The following EPHA6 variants were observed in gnomAD, a reference collection of about 807,000 sequenced individuals.
EPHA6 encodes EPH receptor A6.
EPHA6 carries 50 observed loss-of-function variants against 112.0 expected under a neutral mutation model. That is an observed-to-expected ratio of 0.45 (90% confidence interval 0.36 to 0.56). EPHA6 has a LOEUF of 0.56. Among genes scored for constraint, EPHA6 ranks in the 20% least tolerant of loss-of-function variants. The probability of loss-of-function intolerance (pLI) is 0.00; values close to 1 mark genes in which losing one functional copy is unlikely to be tolerated. For synonymous variants in EPHA6, 529 were observed against 490.7 expected (o/e 1.08, Z -1.03); for missense variants, 1,280 against 1,417.4 (o/e 0.90, Z 1.56).
At chr3:97,205,646 G>T (rs1047965810) in intron 3 of EPHA6, among the ~76,000 whole-genome samples, 3 of 151,954 alleles carry the variant, frequency 2.0e-5, no homozygotes, top group African/African-American at 7.2e-5. Context: ...GTATACCTAG[G>T]GGTCTTGGAA....
intron 3 of EPHA6, among the ~76,000 whole-genome samples, chr3:97,025,640 G>A (rs1317929593): frequency 2.0e-5 from 3 of 152,146 alleles, no homozygotes; most frequent in African/African-American, 7.2e-5. Flanking sequence ...CCAGGCTAGT[G>A]TGCAGTGGCG....
rs146529348 is a variant in EPHA6 at position 96,960,465 on chromosome 3, C to A, written c.451-26865C>A. On this transcript the variant is annotated intron_variant, in intron 2 of 17. Transcript: ENST00000389672. ...CTTATAGTTAAGTGTTGCCATCTGGCCTCTGCTATTCTTAAACCTCATCAT... is the reference window on the plus strand; with the variant it reads ...CTTATAGTTAAGTGTTGCCATCTGGACTCTGCTATTCTTAAACCTCATCAT... Among the ~76,000 whole-genome samples the A allele has an allele frequency of 4.3e-4, 66 of 152,248 alleles. 1 individual carries two copies. In the East Asian group the frequency reaches 7.4e-3, roughly 17 times the overall value.
chr3:97,289,647 T>C (rs2080608190), intron 5 of EPHA6, among the ~76,000 whole-genome samples: 1 of 152,170 alleles, frequency 6.6e-6, no homozygotes, highest in South Asian at 2.1e-4. Flanking sequence ...GTATGTTGCT[T>C]TGGGAAGTAT....
chr3:97,294,835 T>C (rs2080817963), intron 5 of EPHA6, among the ~76,000 whole-genome samples: 1 of 152,238 alleles, frequency 6.6e-6, no homozygotes, highest in Admixed American at 6.5e-5. Flanking sequence ...AAAAACTTTA[T>C]TTCTCCTTCA....
At chr3:97,109,444 G>C (rs1316797633) in intron 3 of EPHA6, among the ~76,000 whole-genome samples, 1 of 152,134 alleles carries the variant, frequency 6.6e-6, no homozygotes. Flanking sequence ...TTTTCTACTT[G>C]CATGGGAAGG....
rs570232298 is a variant in EPHA6, at chr3:97,548,196, C to T, written c.2386+15653C>T. 1.1e-3 allele frequency among the ~76,000 whole-genome samples: 167 copies of T among 152,270 alleles called. 2 individuals carry two copies. The highest frequency in any genetic ancestry group is 2.2e-3 in the Non-Finnish European group (148 of 68,028). On this transcript the variant is annotated intron_variant, in intron 11 of 17. Transcript: ENST00000389672. Reference sequence around the variant, plus strand: ...GTAGACCGGAGCTGTTCGTATTCGGCCATCTTGGCTCCTCCTGGGTGTGTC... The same window carrying T: ...GTAGACCGGAGCTGTTCGTATTCGGTCATCTTGGCTCCTCCTGGGTGTGTC...
chr3:97,339,514 G>T (rs1212197435), intron 5 of EPHA6, among the ~76,000 whole-genome samples: 1 of 151,990 alleles, frequency 6.6e-6, no homozygotes, highest in Non-Finnish European at 1.5e-5. Flanking sequence ...TTTTAACAAC[G>T]TGGGCTTTGG....
chr3:97,596,016 C>G (rs1434173128), intron 12 of EPHA6, among the ~76,000 whole-genome samples: 1 of 151,066 alleles, frequency 6.6e-6, no homozygotes, highest in Non-Finnish European at 1.5e-5. Flanking sequence ...CGCCATTCTC[C>G]TGCCTCAGCC....
At chr3:97,458,054 C>A (rs1336429549) in intron 7 of EPHA6, among the ~76,000 whole-genome samples, 1 of 107,454 alleles carries the variant, frequency 9.3e-6, no homozygotes, top group Admixed American at 1.5e-4. Context: ...GGCGACAGTG[C>A]GAGACTCCGT....
chr3:97,362,618 T>G (rs1035839134), intron 5 of EPHA6, among the ~76,000 whole-genome samples: 1 of 152,070 alleles, frequency 6.6e-6, no homozygotes, highest in African/African-American at 2.4e-5. Flanking sequence ...CTTAATATAT[T>G]GTGTTAATGT....
At chr3:97,283,399 A>G (rs1024446502) in intron 5 of EPHA6, among the ~76,000 whole-genome samples, 1 of 152,196 alleles carries the variant, frequency 6.6e-6, no homozygotes, top group Non-Finnish European at 1.5e-5. Context: ...TATCTTAAAA[A>G]GTTCTTTTAT....
At chr3:96,916,384 A>G (rs1011218493) in intron 2 of EPHA6, among the ~76,000 whole-genome samples, 1 of 152,124 alleles carries the variant, frequency 6.6e-6, no homozygotes, top group East Asian at 1.9e-4. Context: ...TAACATCTTT[A>G]CTATTTTTGT....
intron 11 of EPHA6, among the ~76,000 whole-genome samples, chr3:97,560,025 C>A (rs2093167386): frequency 6.7e-6 from 1 of 150,180 alleles, no homozygotes. Flanking sequence ...AACAGGTTGC[C>A]ATTAAAAAGA....
At chr3:97,412,777 A>G (rs1294726015) in intron 6 of EPHA6, among the ~76,000 whole-genome samples, 1 of 152,018 alleles carries the variant, frequency 6.6e-6, no homozygotes, top group Non-Finnish European at 1.5e-5. Flanking sequence ...ATATAAAGCT[A>G]TTTTTAAATG....
intron 11 of EPHA6, 136 bp from the exon 12 acceptor site, chr3:97,592,476 C>T: frequency 2.1e-6 from 2 of 956,880 alleles, no homozygotes; most frequent in East Asian, 2.7e-5. Context: ...GTAAAAAATG[C>T]ATTCCATCCC....
chr3:97,532,292 A>G (rs747344897), intron 10 of EPHA6, 66 bp from the exon 11 acceptor site: 1 of 1,394,996 alleles, frequency 7.2e-7, no homozygotes, highest in Non-Finnish European at 9.8e-7. Flanking sequence ...ACTGTATGAC[A>G]GTTTGACTCT....
At chr3:97,069,831 T>C (rs1641087945) in intron 3 of EPHA6, among the ~76,000 whole-genome samples, 1 of 152,154 alleles carries the variant, frequency 6.6e-6, no homozygotes, top group African/African-American at 2.4e-5. Flanking sequence ...GGTTATTAAA[T>C]ATTATAATTC....
chr3:97,406,032 A>G (rs1035875281), intron 6 of EPHA6, among the ~76,000 whole-genome samples: 9 of 152,184 alleles, frequency 5.9e-5, no homozygotes, highest in Admixed American at 2.0e-4. Flanking sequence ...TTCTAGAAGT[A>G]TGCAAAGGGA....
chr3:97,705,446 G>A (rs2033626190), intron 14 of EPHA6, among the ~76,000 whole-genome samples: 1 of 152,088 alleles, frequency 6.6e-6, no homozygotes, highest in Admixed American at 6.5e-5. Flanking sequence ...CCTGTTACAT[G>A]ATTAGCACTG....
Sources: allele counts gnomAD v4.1 joint callset (sites outside exome capture counted in the v4.1 genomes callset), GRCh38; gene constraint gnomAD v4.1.1; transcripts MANE v1.5; gene names NCBI Gene and HGNC (gene_info 2026-07-23, HGNC 2026-07-21).